Variants in ELAVL4 observed in about 807,000 individuals in gnomAD.
ELAVL4 encodes the protein ELAV-like protein 4.
In ELAVL4, 1 loss-of-function variant was observed where a neutral mutation model predicts 35.6. The observed-to-expected ratio is 0.03, with a 90% CI of 0.01 to 0.13. The LOEUF is 0.13. Among genes scored for constraint, ELAVL4 ranks in the 10% least tolerant of loss-of-function variants. The pLI, the probability that ELAVL4 is intolerant of heterozygous loss-of-function variation, is 1.00. For missense variants in ELAVL4, 267 were observed against 464.9 expected, an observed-to-expected ratio of 0.57 and a Z score of 3.91; for synonymous variants, 156 against 171.0, an observed-to-expected ratio of 0.91 and a Z score of 0.69.
chr1:50,083,095 C>T (rs1441010102), intron 1 of ELAVL4, among the ~76,000 whole-genome samples: 1 of 152,154 alleles, frequency 6.6e-6, no homozygotes, highest in African/African-American at 2.4e-5. Flanking sequence ...GTCTCACTCT[C>T]ACTCAGGCTG....
At chr1:50,185,898 A>G (rs1449974665) in intron 3 of ELAVL4, among the ~76,000 whole-genome samples, 1 of 152,198 alleles carries the variant, frequency 6.6e-6, no homozygotes, top group Non-Finnish European at 1.5e-5. Context: ...AGCAGGAGCC[A>G]GGAGTTGCAG....
chr1:50,158,390 T>C (rs1488716219), intron 2 of ELAVL4, among the ~76,000 whole-genome samples: 1 of 152,180 alleles, frequency 6.6e-6, no homozygotes, highest in African/African-American at 2.4e-5. Flanking sequence ...GCCTAGTTCA[T>C]TAAGTGTAGA....
At chr1:50,106,499 GTGGC>G, upstream of ELAVL4, 2 of 819,826 alleles carry the variant, frequency 2.4e-6, no homozygotes, top group South Asian at 3.2e-5. Flanking sequence ...GTGGTGGATT[GTGGC>G]AGAAAAAAAA....
intron 1 of ELAVL4, among the ~76,000 whole-genome samples, chr1:50,058,666 T>C (rs1007978294): frequency 1.3e-5 from 2 of 150,992 alleles, no homozygotes; most frequent in African/African-American, 4.9e-5. Flanking sequence ...CAGGCTAGAG[T>C]ACAGTGGCAC....
intron 2 of ELAVL4, among the ~76,000 whole-genome samples, chr1:50,168,068 G>A (rs1323085335): frequency 1.3e-5 from 2 of 152,204 alleles, no homozygotes; most frequent in Non-Finnish European, 2.9e-5. Flanking sequence ...CTGTCCTTCA[G>A]GGATGTCCTA....
At chr1:50,174,112 A>G (rs1377867801) in intron 2 of ELAVL4, among the ~76,000 whole-genome samples, 1 of 152,174 alleles carries the variant, frequency 6.6e-6, no homozygotes, top group Non-Finnish European at 1.5e-5. Flanking sequence ...CTCCCTTACT[A>G]CTGAAATAGT....
intron 2 of ELAVL4, among the ~76,000 whole-genome samples, chr1:50,173,219 CA>C (rs1397594517): frequency 1.3e-5 from 2 of 152,136 alleles, no homozygotes; most frequent in Non-Finnish European, 2.9e-5. Context: ...GTTGGATATA[CA>C]AATTATTATA....
chr1:50,080,843 G>A (rs1321198772), intron 1 of ELAVL4, among the ~76,000 whole-genome samples: 5 of 152,158 alleles, frequency 3.3e-5, no homozygotes, highest in East Asian at 1.9e-4. Context: ...AAATAAATTC[G>A]TGGACTAGTT....
chr1:50,090,449 G>A (rs1179063663), intron 1 of ELAVL4, among the ~76,000 whole-genome samples: 1 of 152,064 alleles, frequency 6.6e-6, no homozygotes, highest in Non-Finnish European at 1.5e-5. Context: ...ACTTAGTCTA[G>A]TATTGCAATT....
At chr1:50,084,619 A>G (rs1051201364) in intron 1 of ELAVL4, among the ~76,000 whole-genome samples, 5 of 151,926 alleles carry the variant, frequency 3.3e-5, no homozygotes, top group Non-Finnish European at 5.9e-5. Flanking sequence ...CTCCAGTCAC[A>G]TTGGCCTTTT....
intron 2 of ELAVL4, among the ~76,000 whole-genome samples, chr1:50,169,387 A>G (rs1678578788): frequency 6.6e-6 from 1 of 152,098 alleles, no homozygotes; most frequent in Admixed American, 6.5e-5. Context: ...TAACTATCAT[A>G]CCTATTTAAA....
At chr1:50,157,305 T>C (rs1245543232) in intron 2 of ELAVL4, among the ~76,000 whole-genome samples, 2 of 152,192 alleles carry the variant, frequency 1.3e-5, no homozygotes, top group Non-Finnish European at 2.9e-5. Context: ...CGCACCTTTC[T>C]GTGTGTTGTG....
intron 2 of ELAVL4, among the ~76,000 whole-genome samples, chr1:50,154,079 T>C (rs898712888): frequency 6.6e-6 from 1 of 152,228 alleles, no homozygotes; most frequent in South Asian, 2.1e-4. Flanking sequence ...CAAGAGATAA[T>C]GAATAGAACA....
At chr1:50,178,095 C>T (rs1680379046) in intron 3 of ELAVL4, among the ~76,000 whole-genome samples, 1 of 152,186 alleles carries the variant, frequency 6.6e-6, no homozygotes, top group Non-Finnish European at 1.5e-5. Context: ...GGCCTTCCTT[C>T]CCTTTCTTCC....
intron 1 of ELAVL4, among the ~76,000 whole-genome samples, chr1:50,119,096 A>AAAGAG (rs1668593225): frequency 7.0e-6 from 1 of 143,388 alleles, no homozygotes; most frequent in Non-Finnish European, 1.5e-5. Context: ...AAGAAAGAAA[A>AAAGAG]AGAAAAAGAT....
chr1:50,165,171 C>T (rs1047665830), intron 2 of ELAVL4, among the ~76,000 whole-genome samples: 4 of 152,074 alleles, frequency 2.6e-5, no homozygotes, highest in African/African-American at 7.2e-5. Context: ...ATTTGACAAG[C>T]GTGATGATGG....
intron 1 of ELAVL4, among the ~76,000 whole-genome samples, chr1:50,055,162 C>T (rs1007910543): frequency 1.3e-5 from 2 of 152,150 alleles, no homozygotes; most frequent in South Asian, 2.1e-4. Flanking sequence ...ACTTTAAAAA[C>T]GACAGTCTTG....
At chr1:50,106,264 C>T (rs1170252233), upstream of ELAVL4, 2 of 1,579,152 alleles carry the variant, frequency 1.3e-6, no homozygotes, top group Non-Finnish European at 1.7e-6. Context: ...GGAAAGCTGG[C>T]TGCCGGCGAC....
At chr1:50,198,217 T>C (rs1373367438) in intron 6 of ELAVL4, among the ~76,000 whole-genome samples, 3 of 152,166 alleles carry the variant, frequency 2.0e-5, no homozygotes, top group Non-Finnish European at 4.4e-5. Flanking sequence ...TGAATGCAGA[T>C]TCAAAGTTTT....
Sources: allele counts gnomAD v4.1 joint callset (sites outside exome capture counted in the v4.1 genomes callset), GRCh38; gene constraint gnomAD v4.1.1; transcripts MANE v1.5; gene names NCBI Gene and HGNC (gene_info 2026-07-23, HGNC 2026-07-21).